Variants in RPS6KC1 observed in about 807,000 individuals in gnomAD.
The protein encoded by RPS6KC1 is inactive ribosomal protein S6 kinase delta-1.
A neutral mutation model predicts 103.8 loss-of-function variants in RPS6KC1; 54 were observed. That is an observed-to-expected ratio of 0.52 (90% CI 0.42 to 0.65). The LOEUF is 0.65. Ranked by LOEUF, RPS6KC1 falls within the 30% of genes least tolerant of loss-of-function variation. RPS6KC1 has a pLI of 0.00. For missense variants in RPS6KC1, 1,151 were observed against 1,253.8 expected, an observed-to-expected ratio of 0.92 and a Z score of 1.24; for synonymous variants, 439 against 438.7, an observed-to-expected ratio of 1.00 and a Z score of -0.01.
the RPS6KC1 span, among the ~76,000 whole-genome samples, chr1:213,650,951 G>A: frequency 6.6e-6 from 1 of 151,248 alleles, no homozygotes; most frequent in African/African-American, 2.4e-5. Context: ...AAAAAAGAGG[G>A]GAGAGGGGGA....
chr1:213,794,976 G>A, the RPS6KC1 span, among the ~76,000 whole-genome samples: 1 of 152,180 alleles, frequency 6.6e-6, no homozygotes, highest in Non-Finnish European at 1.5e-5. Flanking sequence ...GACCTCTAAA[G>A]GTGATGTCAG....
At chr1:213,532,688 A>G in the RPS6KC1 span, among the ~76,000 whole-genome samples, 12 of 152,312 alleles carry the variant, frequency 7.9e-5, no homozygotes, top group African/African-American at 2.4e-4. Context: ...GGTTGGTAAC[A>G]CAAGTGAGCA....
chr1:213,263,608 T>A (rs1292623773), intron 14 of RPS6KC1, among the ~76,000 whole-genome samples: 1 of 148,970 alleles, frequency 6.7e-6, no homozygotes, highest in Non-Finnish European at 1.5e-5. Flanking sequence ...AACATGGATT[T>A]AAAAAAAAAA....
At chr1:213,333,022 C>A in the RPS6KC1 span, among the ~76,000 whole-genome samples, 1 of 152,248 alleles carries the variant, frequency 6.6e-6, no homozygotes, top group Non-Finnish European at 1.5e-5. Context: ...TTGTGAACAC[C>A]CGACTCCACA....
At chr1:213,110,767 G>C (rs1051346037) in intron 4 of RPS6KC1, among the ~76,000 whole-genome samples, 10 of 152,036 alleles carry the variant, frequency 6.6e-5, no homozygotes, top group African/African-American at 2.4e-4. Context: ...ACCCCTCTCT[G>C]GTCTCTACAC....
At chr1:213,802,243 G>A in the RPS6KC1 span, among the ~76,000 whole-genome samples, 3 of 152,192 alleles carry the variant, frequency 2.0e-5, no homozygotes, top group Non-Finnish European at 4.4e-5. Flanking sequence ...AAGGGTCAAG[G>A]AAACACACTC....
chr1:213,074,615 G>A (rs1454834863), intron 2 of RPS6KC1, among the ~76,000 whole-genome samples: 1 of 151,964 alleles, frequency 6.6e-6, no homozygotes, highest in Non-Finnish European at 1.5e-5. Flanking sequence ...ATGCTGTTAG[G>A]TATTTTGGTT....
chr1:213,625,042 G>A, the RPS6KC1 span, among the ~76,000 whole-genome samples: 2 of 151,944 alleles, frequency 1.3e-5, no homozygotes, highest in African/African-American at 4.8e-5. Context: ...GAGTGCAGTG[G>A]TGTGATCTCC....
chr1:213,630,182 C>T, the RPS6KC1 span, among the ~76,000 whole-genome samples: 1 of 152,144 alleles, frequency 6.6e-6, no homozygotes, highest in Non-Finnish European at 1.5e-5. Flanking sequence ...AGAGTGTTTT[C>T]AACTTGGTTC....
the RPS6KC1 span, among the ~76,000 whole-genome samples, chr1:213,738,831 C>A: frequency 6.3e-5 from 8 of 127,416 alleles, no homozygotes; most frequent in African/African-American, 2.7e-4. Context: ...CCAGCCTCTA[C>A]TCTAAAAAAT....
the RPS6KC1 span, among the ~76,000 whole-genome samples, chr1:213,408,387 A>G: frequency 6.6e-6 from 1 of 152,198 alleles, no homozygotes; most frequent in Non-Finnish European, 1.5e-5. Context: ...AGTTTTATGT[A>G]TCAACTTGGT....
the RPS6KC1 span, among the ~76,000 whole-genome samples, chr1:213,360,380 G>A: frequency 6.6e-6 from 1 of 152,188 alleles, no homozygotes; most frequent in Non-Finnish European, 1.5e-5. Context: ...TTGTCACGTA[G>A]TTCTCATGCC....
the RPS6KC1 span, among the ~76,000 whole-genome samples, chr1:213,696,502 C>CAAAAA: frequency 1.7e-4 from 21 of 120,934 alleles, no homozygotes; most frequent in African/African-American, 6.3e-4. Context: ...AACTCCGTCT[C>CAAAAA]AAAAAAAAAA....
At chr1:213,245,609 A>C (rs1315679571) in intron 12 of RPS6KC1, among the ~76,000 whole-genome samples, 38 of 152,180 alleles carry the variant, frequency 2.5e-4, no homozygotes, top group Admixed American at 2.5e-3. Context: ...TAATATCAGC[A>C]GTATATCTTT....
Position 213,225,724 on chromosome 1 carries a change from A to G in RPS6KC1, c.1045-4773A>G, listed in dbSNP as rs1049823437. Among the ~76,000 whole-genome samples, 4 of 152,262 alleles carry G rather than the reference A, an allele frequency of 2.6e-5. No homozygotes were observed. The South Asian group carries it at 8.3e-4, about 32-fold the overall frequency. ...TTTTATCTGATCTGCTTCATGCTTC[A>G]TGACTAAGTGAGATCAGTAAGGAGG... On this transcript the variant is annotated intron_variant, in intron 8 of 14. Coordinates refer to ENST00000366960, the MANE Select transcript of RPS6KC1 (RefSeq NM_012424.6).
chr1:213,323,321 C>T, the RPS6KC1 span, among the ~76,000 whole-genome samples: 1 of 152,086 alleles, frequency 6.6e-6, no homozygotes, highest in African/African-American at 2.4e-5. Context: ...TTGGGAACAT[C>T]TTTGTAAGGC....
At chr1:213,604,087 C>T in the RPS6KC1 span, among the ~76,000 whole-genome samples, 1 of 151,996 alleles carries the variant, frequency 6.6e-6, no homozygotes, top group Admixed American at 6.6e-5. Context: ...TCTTTTTTAA[C>T]TTTAGAAAAT....
chr1:213,644,491 C>G, the RPS6KC1 span, among the ~76,000 whole-genome samples: 1 of 152,096 alleles, frequency 6.6e-6, no homozygotes, highest in Non-Finnish European at 1.5e-5. Context: ...AGGGTAGTTT[C>G]ACTGCCCTAA....
At chr1:213,675,749 C>A in the RPS6KC1 span, among the ~76,000 whole-genome samples, 11 of 152,074 alleles carry the variant, frequency 7.2e-5, no homozygotes, top group Non-Finnish European at 1.5e-4. Flanking sequence ...TGGTGGTGGG[C>A]ACCTGTAATC....
Sources: gnomAD v4.1 joint callset for allele counts (sites outside exome capture counted in the v4.1 genomes callset) on GRCh38, gnomAD v4.1.1 for gene constraint, MANE v1.5 for transcripts, NCBI Gene and HGNC (gene_info 2026-07-23, HGNC 2026-07-21) for gene names.